Variants in CDK14 observed in about 807,000 individuals in gnomAD.
The protein encoded by CDK14 is cyclin-dependent kinase 14.
In CDK14, 34 loss-of-function variants were observed where a neutral mutation model predicts 60.7. The observed-to-expected ratio is 0.56, with a 90% CI of 0.43 to 0.75. The LOEUF is 0.75. CDK14 is among the 30% of genes least tolerant of loss of function. CDK14 has a pLI of 0.00. For missense variants in CDK14, 482 were observed against 564.1 expected, an observed-to-expected ratio of 0.85 and a Z score of 1.47; for synonymous variants, 197 against 203.7, an observed-to-expected ratio of 0.97 and a Z score of 0.28.
chr7:90,995,174 T>C (rs1036441134), intron 10 of CDK14, among the ~76,000 whole-genome samples: 4 of 152,196 alleles, frequency 2.6e-5, no homozygotes, highest in African/African-American at 9.6e-5. Context: ...TGATTGTTAC[T>C]TCTTGCTCAC....
chr7:90,791,922 G>A (rs1288575958), intron 5 of CDK14, among the ~76,000 whole-genome samples: 2 of 115,580 alleles, frequency 1.7e-5, no homozygotes, highest in Non-Finnish European at 3.6e-5. Flanking sequence ...TTTTTTTCTG[G>A]GACAGAATCT....
At chr7:90,744,513 A>G (rs58255604) in intron 3 of CDK14, among the ~76,000 whole-genome samples, 2,492 of 152,276 alleles carry the variant, frequency 0.016, 58 homozygotes, top group African/African-American at 0.056. Context: ...CCCGTTCTCA[A>G]TGAGCTGTTG....
At chr7:90,622,984 CTTCT>C (rs1183702944) in intron 2 of CDK14, among the ~76,000 whole-genome samples, 1 of 146,444 alleles carries the variant, frequency 6.8e-6, no homozygotes, top group African/African-American at 2.5e-5. Flanking sequence ...GTTTTCCGTC[CTTCT>C]ATTTATGACA....
intron 2 of CDK14, among the ~76,000 whole-genome samples, chr7:90,640,799 T>G (rs1037319085): frequency 6.6e-6 from 1 of 152,146 alleles, no homozygotes; most frequent in African/African-American, 2.4e-5. Context: ...TTTCTTAATA[T>G]TATTCTTTTA....
At chr7:90,758,574 A>G (rs1437142226) in intron 4 of CDK14, among the ~76,000 whole-genome samples, 2 of 152,214 alleles carry the variant, frequency 1.3e-5, no homozygotes, top group Non-Finnish European at 1.5e-5. Flanking sequence ...AACTTATTCA[A>G]CTAGTGATGA....
At chr7:91,033,476 G>A (rs1162032080) in intron 10 of CDK14, among the ~76,000 whole-genome samples, 2 of 152,198 alleles carry the variant, frequency 1.3e-5, no homozygotes, top group Non-Finnish European at 2.9e-5. Flanking sequence ...TTTTAAAGCA[G>A]TACTTCTCAA....
chr7:91,157,075 A>G (rs1458567921), intron 14 of CDK14, among the ~76,000 whole-genome samples: 1 of 152,208 alleles, frequency 6.6e-6, no homozygotes, highest in African/African-American at 2.4e-5. Context: ...AGAGTTGGGA[A>G]TTTGGCTCTG....
intron 9 of CDK14, among the ~76,000 whole-genome samples, chr7:90,980,942 A>G (rs969010061): frequency 2.6e-5 from 4 of 152,202 alleles, no homozygotes; most frequent in Admixed American, 6.5e-5. Context: ...AGTTCTGGCA[A>G]TGTAATAGTT....
intron 10 of CDK14, among the ~76,000 whole-genome samples, chr7:91,042,707 T>C (rs1797122957): frequency 6.6e-6 from 1 of 152,228 alleles, no homozygotes; most frequent in Non-Finnish European, 1.5e-5. Flanking sequence ...GGGGACCACA[T>C]TTTAAGTGTT....
intron 5 of CDK14, among the ~76,000 whole-genome samples, chr7:90,835,148 G>A (rs1029436447): frequency 6.6e-6 from 1 of 152,132 alleles, no homozygotes; most frequent in Non-Finnish European, 1.5e-5. Flanking sequence ...AGAGGTTTTT[G>A]CGAGACAGAA....
intron 4 of CDK14, among the ~76,000 whole-genome samples, chr7:90,758,099 T>C (rs13220995): frequency 0.19 from 29,041 of 152,226 alleles, 2,889 homozygotes; most frequent in South Asian, 0.24. Flanking sequence ...TTCTAACAAA[T>C]GGCTGGTTAA....
intron 6 of CDK14, among the ~76,000 whole-genome samples, chr7:90,894,157 G>C (rs1320854704): frequency 6.6e-6 from 1 of 152,018 alleles, no homozygotes; most frequent in Non-Finnish European, 1.5e-5. Context: ...ACAATGTGCT[G>C]GACAATGTTC....
intron 2 of CDK14, among the ~76,000 whole-genome samples, chr7:90,637,147 T>A (rs1353092207): frequency 6.6e-6 from 1 of 152,136 alleles, no homozygotes; most frequent in Non-Finnish European, 1.5e-5. Flanking sequence ...AGTTCTGCTC[T>A]GATTTTAGTT....
chr7:90,899,158 ACACTGAAAAAT>A (rs764796162), intron 6 of CDK14, 122 bp from the exon 7 acceptor site: 239 of 605,298 alleles, frequency 3.9e-4, no homozygotes, highest in Middle Eastern at 3.0e-3. Flanking sequence ...GCCACTACAT[ACACTGAAAAAT>A]CCACCCACTT....
intron 5 of CDK14, among the ~76,000 whole-genome samples, chr7:90,835,409 G>T (rs1276499428): frequency 1.3e-5 from 2 of 152,112 alleles, no homozygotes; most frequent in Non-Finnish European, 2.9e-5. Context: ...TAGCCAGAGA[G>T]AACAGATAAT....
intron 10 of CDK14, among the ~76,000 whole-genome samples, chr7:91,041,271 A>G (rs1158517512): frequency 6.6e-6 from 1 of 151,714 alleles, no homozygotes; most frequent in Admixed American, 6.6e-5. Flanking sequence ...ACGTGAGACC[A>G]TTTTGTAGCT....
At chr7:91,158,776 AC>A (rs1322750453) in intron 14 of CDK14, among the ~76,000 whole-genome samples, 1 of 152,194 alleles carries the variant, frequency 6.6e-6, no homozygotes, top group Non-Finnish European at 1.5e-5. Context: ...CAAAGGGTTG[AC>A]ATCTTTGTCC....
In CDK14 at chr7:91,004,302, C is replaced by T. The variant is rs188376589; in HGVS notation, c.1041+20061C>T. On this transcript the variant is annotated intron_variant, in intron 10 of 14. Coordinates refer to ENST00000380050, the MANE Select transcript of CDK14 (RefSeq NM_001287135.2). The stretch of plus-strand genomic sequence containing the variant: ...AAAAGAAAGAAGAGATGTCACTTTC[C>T]GTTCTGAAGACATTAAAAGGCTAAT... Among the ~76,000 whole-genome samples the T allele has an allele frequency of 1.6e-3, 246 of 152,194 alleles. 2 individuals carry two copies. The Middle Eastern group carries it at 0.017, about 11-fold the overall frequency.
At chr7:90,992,748 TA>T (rs1486037892) in intron 10 of CDK14, among the ~76,000 whole-genome samples, 4 of 152,182 alleles carry the variant, frequency 2.6e-5, no homozygotes, top group African/African-American at 9.7e-5. Context: ...CATGCCTGCA[TA>T]TGTTAAATTA....
Sources: gnomAD v4.1 joint callset for allele counts (sites outside exome capture counted in the v4.1 genomes callset) on GRCh38, gnomAD v4.1.1 for gene constraint, MANE v1.5 for transcripts, NCBI Gene and HGNC (gene_info 2026-07-23, HGNC 2026-07-21) for gene names.